Variants in PRDM11 observed in about 807,000 individuals in gnomAD.
PRDM11 encodes the protein PR domain-containing protein 11.
PRDM11 carries 20 observed loss-of-function variants against 97.8 expected under a neutral mutation model. That is an observed-to-expected ratio of 0.20 (90% CI 0.14 to 0.30). PRDM11 has a LOEUF of 0.30. Among genes scored for constraint, PRDM11 ranks in the 10% least tolerant of loss-of-function variants. The pLI is 1.00. For synonymous variants in PRDM11, 599 were observed against 637.7 expected, an observed-to-expected ratio of 0.94 and a Z score of 0.91; for missense variants, 1,139 against 1,555.2, an observed-to-expected ratio of 0.73 and a Z score of 4.50.
At chr11:45,113,840 T>TC in intron 1 of PRDM11, among the ~76,000 whole-genome samples, 1 of 150,666 alleles carries the variant, frequency 6.6e-6, no homozygotes, top group African/African-American at 2.4e-5. Context: ...TTTTTTTTTT[T>TC]TTTTACAAAA....
In PRDM11 at chr11:45,167,400, C is replaced by T. The variant is rs56212037; in HGVS notation, c.-6-14361C>T. On this transcript the variant is annotated intron_variant, in intron 1 of 7. Coordinates refer to ENST00000683152, the MANE Select transcript of PRDM11 (RefSeq NM_001384648.1). ...GCCAAGAGTCAATGGATCAGCAAGA[C>T]AGTTTATTATTCACAGCAAACATCA... Among the ~76,000 whole-genome samples, 598 of 152,210 alleles carry T rather than the reference C, an allele frequency of 3.9e-3. 3 individuals carry two copies. The highest frequency in any genetic ancestry group is 0.014 in the African/African-American group (582 of 41,534).
chr11:45,102,526 G>A (rs1404796654), intron 1 of PRDM11, among the ~76,000 whole-genome samples: 1 of 152,182 alleles, frequency 6.6e-6, no homozygotes, highest in Non-Finnish European at 1.5e-5. Flanking sequence ...GCCACTCCCA[G>A]GAAGGGAGTA....
intron 1 of PRDM11, among the ~76,000 whole-genome samples, chr11:45,098,870 C>CA (rs1230797766): frequency 6.6e-6 from 1 of 152,122 alleles, no homozygotes; most frequent in Non-Finnish European, 1.5e-5. Context: ...AGAAGACCCC[C>CA]AAGGGTGGGC....
At chr11:45,191,173 G>C (rs57607878) in intron 4 of PRDM11, among the ~76,000 whole-genome samples, 2,111 of 152,172 alleles carry the variant, frequency 0.014, 41 homozygotes, top group African/African-American at 0.048. Context: ...GTTCAGGCTA[G>C]TTGTTTGCAT....
chr11:45,125,490 T>G (rs1214077764), intron 1 of PRDM11, among the ~76,000 whole-genome samples: 1 of 152,226 alleles, frequency 6.6e-6, no homozygotes, highest in African/African-American at 2.4e-5. Context: ...GCTATAAATT[T>G]CCCTCTACAC....
intron 1 of PRDM11, among the ~76,000 whole-genome samples, chr11:45,101,567 A>AAAAAAAAAGAAGAAGAAGAAGAAG (rs767802218): frequency 1.0e-5 from 1 of 96,834 alleles, no homozygotes; most frequent in African/African-American, 4.9e-5. Flanking sequence ...AAAAAAAAAA[A>AAAAAAAAAGAAGAAGAAGAAGAAG]AAGAAGAAGA....
In PRDM11 at chr11:45,226,180, C is replaced by A. The variant is rs765898182; in HGVS notation, c.1555C>A (p.Arg519=). 10 of 1,533,124 alleles carry A rather than the reference C, an allele frequency of 6.5e-6. No homozygotes were observed. The highest frequency in any genetic ancestry group is 2.4e-5 in the South Asian group (2 of 83,964). The allele number at this position is 1,533,124 out of a possible 1,614,324, so 95.0% of individuals were successfully genotyped here. A position where few individuals can be genotyped will look rare whatever the true frequency, so the allele number is the denominator to read the frequency against. ...QEWLKKFWFL[R]YSPTLNEMWC... Reference sequence around the variant, plus strand: ...ATGGCTGAAGAAGTTCTGGTTCCTGCGGTACTCCCCAACCCTCAATGAGAT... The same window carrying A: ...ATGGCTGAAGAAGTTCTGGTTCCTGAGGTACTCCCCAACCCTCAATGAGAT... The change falls in exon 8 of 8, where the codon CGG becomes AGG. Residue 519 remains arginine, a synonymous_variant. Transcript: ENST00000683152.
At chr11:45,150,960 G>T (rs1403467005) in intron 1 of PRDM11, among the ~76,000 whole-genome samples, 4 of 152,198 alleles carry the variant, frequency 2.6e-5, no homozygotes, top group Non-Finnish European at 5.9e-5. Flanking sequence ...AGGGACCCAG[G>T]GTTAATGGTG....
rs142405353 is a variant in PRDM11, at chr11:45,217,126, G to C, written c.555-2444G>C. On this transcript the variant is annotated intron_variant, in intron 5 of 7. Transcript: ENST00000683152. ...TCTATTCTGTGCTAACCGCAAGGTT[G>C]ATTATTTTTGGATGTCAAATCCTAG... is the stretch of plus-strand genomic sequence containing the variant. Among the ~76,000 whole-genome samples the C allele has an allele frequency of 3.5e-3, 536 of 152,354 alleles. 1 individual carries two copies. The highest frequency in any genetic ancestry group is 6.6e-3 in the Non-Finnish European group (448 of 68,038).
intron 5 of PRDM11, chr11:45,213,226 G>A (rs1006112999): frequency 4.4e-6 from 2 of 456,546 alleles, no homozygotes; most frequent in Admixed American, 2.3e-5. Flanking sequence ...ATTCAGACCC[G>A]CACCCTCATC....
In PRDM11 at chr11:45,226,446, G is replaced by A; in HGVS notation, c.1821G>A (p.Leu607=). 6.5e-7 allele frequency: 1 copy of A among 1,533,950 alleles called. No homozygotes were observed. The highest frequency in any genetic ancestry group is 1.2e-5 in the South Asian group (1 of 83,962). Residue 607 remains leucine (L), a synonymous_variant, in exon 8 of 8, where the codon CTG becomes CTA. Coordinates refer to ENST00000683152, the MANE Select transcript of PRDM11 (RefSeq NM_001384648.1). The part of the protein sequence containing the change: ...YHLALEGRPY[L]DFRPLAELLR... ...TGGCCTTGGAGGGCAGGCCCTACCTGGACTTCCGGCCCCTGGCGGAGCTGC... is the reference window on the plus strand; with the variant it reads ...TGGCCTTGGAGGGCAGGCCCTACCTAGACTTCCGGCCCCTGGCGGAGCTGC...
intron 4 of PRDM11, among the ~76,000 whole-genome samples, chr11:45,183,711 G>A (rs1852602178): frequency 6.6e-6 from 1 of 152,204 alleles, no homozygotes; most frequent in Non-Finnish European, 1.5e-5. Context: ...TGAGGAGGAA[G>A]GGTTACCAAA....
At chr11:45,157,865 C>T (rs139603805) in intron 1 of PRDM11, among the ~76,000 whole-genome samples, 37 of 152,294 alleles carry the variant, frequency 2.4e-4, no homozygotes, top group African/African-American at 8.9e-4. Context: ...GGGTACAGTC[C>T]AGAGCCGTGT....
intron 1 of PRDM11, among the ~76,000 whole-genome samples, chr11:45,149,639 G>A (rs563274248): frequency 6.6e-6 from 1 of 152,342 alleles, no homozygotes; most frequent in South Asian, 2.1e-4. Context: ...CTGGGCCACA[G>A]CATTTAATTG....
intron 1 of PRDM11, among the ~76,000 whole-genome samples, chr11:45,120,384 A>G (rs1301242356): frequency 2.0e-5 from 3 of 152,216 alleles, no homozygotes; most frequent in Admixed American, 6.5e-5. Context: ...GCAAAACCCA[A>G]GCAGGATAGA....
chr11:45,132,191 C>T (rs138697745), intron 1 of PRDM11, among the ~76,000 whole-genome samples: 9 of 152,304 alleles, frequency 5.9e-5, no homozygotes, highest in African/African-American at 1.4e-4. Context: ...CCTGGAGCTG[C>T]GCTGTGCAGG....
At chr11:45,165,324 C>T (rs1261874763) in intron 1 of PRDM11, among the ~76,000 whole-genome samples, 2 of 152,216 alleles carry the variant, frequency 1.3e-5, no homozygotes, top group African/African-American at 4.8e-5. Flanking sequence ...CATCCATTCA[C>T]CAAATATGTA....
chr11:45,170,748 T>TG (rs1384062568), intron 1 of PRDM11, among the ~76,000 whole-genome samples: 3 of 151,898 alleles, frequency 2.0e-5, no homozygotes, highest in Non-Finnish European at 4.4e-5. Context: ...TGACTGTGGG[T>TG]GGGGAATGGA....
At chr11:45,127,575 G>T (rs1279349751) in intron 1 of PRDM11, among the ~76,000 whole-genome samples, 1 of 152,166 alleles carries the variant, frequency 6.6e-6, no homozygotes. Context: ...TCAGCTGCAG[G>T]TCTGTTGGAG....
Sources: gnomAD v4.1 joint callset for allele counts (sites outside exome capture counted in the v4.1 genomes callset) on GRCh38, gnomAD v4.1.1 for gene constraint, MANE v1.5 for transcripts, NCBI Gene and HGNC (gene_info 2026-07-23, HGNC 2026-07-21) for gene names.